The following GALNT2 variants were observed in gnomAD, a reference collection of about 807,000 sequenced individuals.
The protein encoded by GALNT2 is polypeptide N-acetylgalactosaminyltransferase 2.
In GALNT2, 31 loss-of-function variants were observed where a neutral mutation model predicts 81.4. The observed-to-expected ratio is 0.38, with a 90% CI of 0.29 to 0.51. GALNT2 has a LOEUF of 0.51. Among genes scored for constraint, GALNT2 ranks in the 20% least tolerant of loss-of-function variants. The pLI is 0.87. For missense variants in GALNT2, 629 were observed against 765.7 expected, an observed-to-expected ratio of 0.82 and a Z score of 2.11; for synonymous variants, 303 against 287.4, an observed-to-expected ratio of 1.05 and a Z score of -0.55.
intron 1 of GALNT2, among the ~76,000 whole-genome samples, chr1:230,072,691 G>T (rs942742832): frequency 1.3e-5 from 2 of 152,178 alleles, no homozygotes; most frequent in Non-Finnish European, 2.9e-5. Context: ...TGTAACAGTG[G>T]GGCACTTCCA....
intron 3 of GALNT2, among the ~76,000 whole-genome samples, chr1:230,228,210 G>A (rs899266422): frequency 2.0e-5 from 3 of 152,166 alleles, no homozygotes; most frequent in Non-Finnish European, 4.4e-5. Flanking sequence ...ATCCAGTATT[G>A]TAGAAATATT....
intron 3 of GALNT2, among the ~76,000 whole-genome samples, chr1:230,228,824 A>G (rs1216471580): frequency 6.6e-6 from 1 of 152,202 alleles, no homozygotes; most frequent in African/African-American, 2.4e-5. Flanking sequence ...AGTTCCATGA[A>G]AAAACCCTGC....
At chr1:230,272,760 T>C (rs540990712) in intron 14 of GALNT2, among the ~76,000 whole-genome samples, 4 of 152,198 alleles carry the variant, frequency 2.6e-5, no homozygotes, top group African/African-American at 7.2e-5. Flanking sequence ...TGGTTTGGTT[T>C]GGTTCGGTTC....
chr1:230,092,638 C>G (rs1245722917), intron 1 of GALNT2, among the ~76,000 whole-genome samples: 2 of 152,160 alleles, frequency 1.3e-5, no homozygotes, highest in African/African-American at 4.8e-5. Context: ...GCCACCGCAC[C>G]TGGCCAAGGG....
At chr1:230,081,393 G>A (rs1178114183) in intron 1 of GALNT2, among the ~76,000 whole-genome samples, 2 of 152,062 alleles carry the variant, frequency 1.3e-5, no homozygotes, top group Non-Finnish European at 2.9e-5. Flanking sequence ...AAATTATACC[G>A]AGATATGGTT....
At chr1:230,227,249 C>T (rs762041968) in intron 3 of GALNT2, among the ~76,000 whole-genome samples, 3 of 151,966 alleles carry the variant, frequency 2.0e-5, no homozygotes, top group Non-Finnish European at 4.4e-5. Context: ...TTTCACAAAG[C>T]TCAAATGGGT....
intron 1 of GALNT2, among the ~76,000 whole-genome samples, chr1:230,061,386 C>A (rs1362259348): frequency 1.3e-5 from 2 of 151,964 alleles, no homozygotes; most frequent in East Asian, 3.9e-4. Context: ...AATTGCATAC[C>A]ATGCATAAAA....
chr1:230,236,450 G>A, intron 5 of GALNT2, 30 bp downstream of exon 5: 3 of 1,606,798 alleles, frequency 1.9e-6, no homozygotes, highest in Non-Finnish European at 2.6e-6. Context: ...TTATCCCTGT[G>A]TCTGGCTCTT....
At chr1:230,106,326 A>G (rs1410091086) in intron 1 of GALNT2, among the ~76,000 whole-genome samples, 1 of 152,204 alleles carries the variant, frequency 6.6e-6, no homozygotes, top group African/African-American at 2.4e-5. Flanking sequence ...CTGAATGGAG[A>G]TGACAGGCTT....
chr1:230,067,176 G>GCCCTTC (rs1294588027), upstream of GALNT2: 10 of 597,726 alleles, frequency 1.7e-5, no homozygotes, highest in Non-Finnish European at 2.0e-5. Context: ...CCGCCGCCGC[G>GCCCTTC]CCCTTCCCCT....
chr1:230,115,501 G>T (rs907453790), intron 1 of GALNT2, among the ~76,000 whole-genome samples: 1 of 152,114 alleles, frequency 6.6e-6, no homozygotes, highest in Non-Finnish European at 1.5e-5. Flanking sequence ...AACAATGTAC[G>T]GATCTTAATT....
intron 2 of GALNT2, among the ~76,000 whole-genome samples, chr1:230,197,123 A>G (rs112292054): frequency 0.044 from 6,762 of 152,044 alleles, 198 homozygotes; most frequent in Non-Finnish European, 0.065. Flanking sequence ...TCCACCTGAC[A>G]TGGGACCTGT....
At chr1:230,136,679 G>A (rs183350588) in intron 1 of GALNT2, among the ~76,000 whole-genome samples, 2 of 152,286 alleles carry the variant, frequency 1.3e-5, no homozygotes, top group East Asian at 1.9e-4. Flanking sequence ...AGAAATAACG[G>A]GGGCAACGTT....
intron 10 of GALNT2, among the ~76,000 whole-genome samples, chr1:230,254,390 G>A (rs1260536671): frequency 6.6e-6 from 1 of 152,196 alleles, no homozygotes; most frequent in African/African-American, 2.4e-5. Context: ...CAAGTCAACA[G>A]CAGCCTTCCC....
chr1:230,177,798 T>C (rs1663031667), intron 1 of GALNT2, among the ~76,000 whole-genome samples: 1 of 152,206 alleles, frequency 6.6e-6, no homozygotes, highest in East Asian at 1.9e-4. Flanking sequence ...GGTCCTAAGA[T>C]GTCCATAAAC....
At chr1:230,061,480 C>T (rs946774864) in intron 1 of GALNT2, among the ~76,000 whole-genome samples, 1 of 152,120 alleles carries the variant, frequency 6.6e-6, no homozygotes, top group Non-Finnish European at 1.5e-5. Context: ...GAGCACATAG[C>T]TGGCATACTT....
intron 11 of GALNT2, among the ~76,000 whole-genome samples, chr1:230,261,587 A>C (rs1665878096): frequency 6.6e-6 from 1 of 152,236 alleles, no homozygotes; most frequent in African/African-American, 2.4e-5. Flanking sequence ...GGCAGAATAC[A>C]CTGCTGATAC....
intron 1 of GALNT2, among the ~76,000 whole-genome samples, chr1:230,149,627 C>A (rs1271215398): frequency 1.3e-5 from 2 of 152,086 alleles, no homozygotes; most frequent in African/African-American, 4.8e-5. Flanking sequence ...TTGTGTGCGT[C>A]CTGCCACAGT....
chr1:230,200,469 C>T (rs1414270235), intron 2 of GALNT2, among the ~76,000 whole-genome samples: 1 of 152,252 alleles, frequency 6.6e-6, no homozygotes, highest in Non-Finnish European at 1.5e-5. Context: ...CAGGATCTAG[C>T]ATGACACCTC....
Sources: allele counts gnomAD v4.1 joint callset (sites outside exome capture counted in the v4.1 genomes callset), GRCh38; gene constraint gnomAD v4.1.1; transcripts MANE v1.5; gene names NCBI Gene and HGNC (gene_info 2026-07-23, HGNC 2026-07-21).